TSPAN12: variants seen among roughly 807,000 people sequenced by gnomAD.
The protein encoded by TSPAN12 is tetraspanin-12.
A neutral mutation model predicts 39.2 loss-of-function variants in TSPAN12; 19 were observed. That is an observed-to-expected ratio of 0.49 (90% confidence interval 0.34 to 0.71). TSPAN12 has a LOEUF of 0.71. Ranked by LOEUF, TSPAN12 falls within the 30% of genes least tolerant of loss-of-function variation. TSPAN12 has a pLI of 0.01. For missense variants in TSPAN12, 314 were observed against 359.9 expected, an observed-to-expected ratio of 0.87 and a Z score of 1.03; for synonymous variants, 119 against 124.8, an observed-to-expected ratio of 0.95 and a Z score of 0.31.
intron 1 of TSPAN12, 97 bp from the exon 2 acceptor site, chr7:120,856,930 A>C (rs1258570427): frequency 2.8e-6 from 2 of 712,232 alleles, no homozygotes; most frequent in African/African-American, 1.8e-5. Context: ...CAGGGTCCAG[A>C]GGGTCCCGAG....
chr7:120,793,856 A>G (rs1793580188), intron 7 of TSPAN12, among the ~76,000 whole-genome samples: 1 of 152,246 alleles, frequency 6.6e-6, no homozygotes, highest in African/African-American at 2.4e-5. Flanking sequence ...GTGAAAAATG[A>G]TATTGAAGAT....
At chr7:120,820,531 CT>C (rs1794169465) in intron 4 of TSPAN12, among the ~76,000 whole-genome samples, 1 of 152,026 alleles carries the variant, frequency 6.6e-6, no homozygotes, top group Non-Finnish European at 1.5e-5. Context: ...ACCTCCTATT[CT>C]TTATTTTCTC....
chr7:120,825,262 G>A (rs140072179), intron 4 of TSPAN12, among the ~76,000 whole-genome samples: 1 of 152,128 alleles, frequency 6.6e-6, no homozygotes, highest in South Asian at 2.1e-4. Flanking sequence ...CAACATAAAA[G>A]TTATTTTAAC....
Position 120,803,448 on chromosome 7 carries a change from A to G in TSPAN12, c.612+3101T>C, listed in dbSNP as rs750007455. On this transcript the variant is annotated intron_variant, in intron 7 of 7. Transcript: ENST00000222747. The stretch of plus-strand genomic sequence containing the variant: ...TGGACACACCGTAATTAGGAAACAT[A>G]TGTTCTCCAGGGCAAAGTAGAATTA... 3.0e-4 allele frequency among the ~76,000 whole-genome samples: 46 copies of G among 152,276 alleles called. 1 individual carries two copies. Among genetic ancestry groups the G allele is most frequent in the Non-Finnish European group, 1.6e-4 (11 of 68,010 alleles).
At chr7:120,793,634 A>C (rs1401666182) in intron 7 of TSPAN12, among the ~76,000 whole-genome samples, 1 of 152,206 alleles carries the variant, frequency 6.6e-6, no homozygotes, top group African/African-American at 2.4e-5. Flanking sequence ...TTCTCTATCA[A>C]GAGTATCTCC....
chr7:120,801,370 G>T (rs1171492637), intron 7 of TSPAN12, among the ~76,000 whole-genome samples: 1 of 152,078 alleles, frequency 6.6e-6, no homozygotes, highest in Non-Finnish European at 1.5e-5. Flanking sequence ...CTTCTAAAGA[G>T]GCATAAATGG....
chr7:120,807,271 A>C (rs1793892450), intron 6 of TSPAN12, among the ~76,000 whole-genome samples: 1 of 152,130 alleles, frequency 6.6e-6, no homozygotes, highest in Non-Finnish European at 1.5e-5. Context: ...TCTTGAAATA[A>C]ATGTTCATAT....
chr7:120,857,517 G>A (rs1008780223), intron 1 of TSPAN12, among the ~76,000 whole-genome samples: 3 of 151,738 alleles, frequency 2.0e-5, no homozygotes, highest in South Asian at 2.1e-4. Context: ...GGGGGCGGGG[G>A]GCGCCGGGGA....
chr7:120,839,030 C>T (rs1292941736), intron 3 of TSPAN12, 118 bp from the exon 4 acceptor site: 22 of 989,908 alleles, frequency 2.2e-5, no homozygotes, highest in Non-Finnish European at 2.5e-5. Context: ...TGCCTCAAAA[C>T]TAGTGACTGC....
intron 3 of TSPAN12, among the ~76,000 whole-genome samples, 161 bp from the exon 4 acceptor site, chr7:120,839,073 T>C (rs1794531734): frequency 6.6e-6 from 1 of 152,232 alleles, no homozygotes; most frequent in South Asian, 2.1e-4. Context: ...TGCTATTGTT[T>C]TTATGTTTAT....
chr7:120,805,100 T>C (rs148936080), intron 7 of TSPAN12, among the ~76,000 whole-genome samples: 4 of 152,174 alleles, frequency 2.6e-5, no homozygotes, highest in Non-Finnish European at 5.9e-5. Context: ...ATTATAACAA[T>C]TTTTAAACTC....
chr7:120,814,327 T>G (rs891800492), intron 5 of TSPAN12: 12 of 452,828 alleles, frequency 2.7e-5, no homozygotes, highest in African/African-American at 2.4e-4. Context: ...CCAGGGAACT[T>G]GTCACAGATG....
intron 7 of TSPAN12, among the ~76,000 whole-genome samples, chr7:120,795,154 G>A (rs548971034): frequency 6.6e-6 from 1 of 152,212 alleles, no homozygotes; most frequent in South Asian, 2.1e-4. Flanking sequence ...TTCAGAATAG[G>A]AAAGAACTGA....
intron 1 of TSPAN12, 49 bp downstream of exon 1, chr7:120,857,771 G>A (rs1185560418): frequency 6.6e-6 from 1 of 152,184 alleles, no homozygotes; most frequent in East Asian, 1.9e-4. Context: ...GCCGCCGGCG[G>A]GCTGGCGGGA....
intron 7 of TSPAN12, among the ~76,000 whole-genome samples, chr7:120,799,697 T>C (rs1171296463): frequency 1.6e-5 from 2 of 125,470 alleles, no homozygotes; most frequent in African/African-American, 6.4e-5. Context: ...TTTAATTATA[T>C]AATTATTATA....
rs189974186 is a variant in TSPAN12 at position 120,851,404 on chromosome 7, A to G, written c.66+5294T>C. ...AGGGTAGTTCTTCTCTATTGCTATT[A>G]TCTTTAGTAACGGTAAGTAAAAAAC... On this transcript the variant is annotated intron_variant, in intron 2 of 7. Coordinates refer to ENST00000222747, the MANE Select transcript of TSPAN12 (RefSeq NM_012338.4). Among the ~76,000 whole-genome samples the G allele has an allele frequency of 8.1e-4, 123 of 152,294 alleles. 1 individual carries two copies. The highest frequency in any genetic ancestry group is 2.1e-3 in the South Asian group (10 of 4,822).
At chr7:120,794,799 A>G (rs138853311) in intron 7 of TSPAN12, among the ~76,000 whole-genome samples, 2 of 152,286 alleles carry the variant, frequency 1.3e-5, no homozygotes, top group South Asian at 2.1e-4. Context: ...ATTTGTCTGT[A>G]TAAGATGATT....
intron 2 of TSPAN12, among the ~76,000 whole-genome samples, chr7:120,846,076 C>T (rs910978825): frequency 2.6e-5 from 4 of 152,174 alleles, no homozygotes; most frequent in Non-Finnish European, 5.9e-5. Context: ...GAAGCAGGCA[C>T]ATCTTACCTG....
Position 120,838,912 on chromosome 7 carries a change from C to A in TSPAN12, c.150G>T (p.Arg50Ser). 1 of 1,613,696 alleles carries A rather than the reference C, an allele frequency of 6.2e-7. No homozygotes were observed. Residue 50 changes from arginine to serine, a missense_variant and splice_region_variant, in exon 4 of 8, where the codon AGG becomes AGT. Arg to Ser is a moderately radical substitution (Grantham distance 110, BLOSUM62 -1). Transcript: ENST00000222747. ...AAGTCAAAATGACTGCTTCCTCTAC[C>A]CTGAAAGAAGAAAAATAATGTATTA... ...NNVLTLTAET[R>S]VEEAVILTYF...
Sources: allele counts gnomAD v4.1 joint callset (sites outside exome capture counted in the v4.1 genomes callset), GRCh38; gene constraint gnomAD v4.1.1; transcripts MANE v1.5; gene names NCBI Gene and HGNC (gene_info 2026-07-23, HGNC 2026-07-21).